The following PBX4 variants were observed in gnomAD, a reference collection of about 807,000 sequenced individuals.
PBX4 encodes the protein pre-B-cell leukemia transcription factor 4.
PBX4 carries 26 observed loss-of-function variants against 35.1 expected under a neutral mutation model. The observed-to-expected ratio is 0.74, with a 90% confidence interval of 0.54 to 1.03. The LOEUF (loss-of-function observed/expected upper bound fraction) is 1.03. Ranked by LOEUF, PBX4 falls within the 50% of genes least tolerant of loss-of-function variation. The pLI is 0.00. For synonymous variants in PBX4, 199 were observed against 204.2 expected (o/e 0.97, Z 0.22); for missense variants, 448 against 504.3 (o/e 0.89, Z 1.07).
At chr19:19,571,714 C>T (rs1568380631) in intron 2 of PBX4, among the ~76,000 whole-genome samples, 2 of 152,162 alleles carry the variant, frequency 1.3e-5, no homozygotes, top group African/African-American at 2.4e-5. Flanking sequence ...GGAGCTGCAG[C>T]TTGTGCAGGT....
chr19:19,618,570 G>A lies in PBX4; in HGVS notation c.60C>T (p.Ser20=). The A allele has an allele frequency of 7.3e-7, 1 of 1,364,966 alleles. No homozygotes were observed. Among genetic ancestry groups the A allele is most frequent in the Non-Finnish European group, 9.5e-7 (1 of 1,052,216 alleles). The allele number at this position is 1,364,966 out of a possible 1,614,324, so 84.6% of individuals were successfully genotyped here. ...TGGCCATGATCTGCTGCAGGACGTC[G>A]CTCGTGTCGAGGCGCCGCGGGGCGG... ...SPPAPRRLDT[S]DVLQQIMAIT... Residue 20 remains serine (S), a synonymous_variant, in exon 1 of 8, where the codon AGC becomes AGT. Transcript: ENST00000251203.
intron 2 of PBX4, among the ~76,000 whole-genome samples, chr19:19,583,807 C>T (rs971630415): frequency 1.3e-5 from 2 of 151,398 alleles, no homozygotes; most frequent in African/African-American, 2.4e-5. Context: ...AAAAAGCTCA[C>T]GCCTGTAAAC....
At chr19:19,591,731 C>T (rs2061529551) in intron 2 of PBX4, among the ~76,000 whole-genome samples, 1 of 152,268 alleles carries the variant, frequency 6.6e-6, no homozygotes. Context: ...CACTCATGCT[C>T]ATGTGGAGGT....
chr19:19,618,016 G>C (rs995992646), intron 1 of PBX4, among the ~76,000 whole-genome samples: 2 of 152,026 alleles, frequency 1.3e-5, no homozygotes, highest in African/African-American at 2.4e-5. Flanking sequence ...AAAATCAGCC[G>C]GGCGTGGTTG....
At chr19:19,569,634 C>T (rs369686873) in intron 4 of PBX4, 50 bp from the exon 5 acceptor site, 75 of 1,591,464 alleles carry the variant, frequency 4.7e-5, no homozygotes, top group Non-Finnish European at 6.1e-5. Flanking sequence ...GACTCCAGTA[C>T]CACCCCCACC....
chr19:19,581,845 C>A (rs141932641), intron 2 of PBX4, among the ~76,000 whole-genome samples: 3 of 152,230 alleles, frequency 2.0e-5, no homozygotes, highest in Admixed American at 2.0e-4. Flanking sequence ...GTTCCTGCCA[C>A]GATGCAAGGT....
chr19:19,601,701 T>G (rs2061598272), intron 1 of PBX4, among the ~76,000 whole-genome samples: 1 of 152,048 alleles, frequency 6.6e-6, no homozygotes, highest in Non-Finnish European at 1.5e-5. Flanking sequence ...GGAGAGATAC[T>G]ATGTTGCTGG....
intron 4 of PBX4, 61 bp downstream of exon 4, chr19:19,570,048 C>G (rs1164753494): frequency 6.6e-7 from 1 of 1,506,858 alleles, no homozygotes; most frequent in African/African-American, 1.4e-5. Flanking sequence ...CAAGCCAGCA[C>G]TATTTCCCTC....
At chr19:19,580,957 C>T (rs138528986) in intron 2 of PBX4, among the ~76,000 whole-genome samples, 2,698 of 152,174 alleles carry the variant, frequency 0.018, 84 homozygotes, top group South Asian at 0.11. Context: ...GGTCTTGAAC[C>T]CCTGGATTCA....
chr19:19,577,493 C>T (rs16996163), intron 2 of PBX4, among the ~76,000 whole-genome samples: 6,962 of 152,212 alleles, frequency 0.046, 543 homozygotes, highest in African/African-American at 0.16. Flanking sequence ...CTGTCACCCT[C>T]GGGCCCTGTG....
chr19:19,603,552 A>C (rs2061610385), intron 1 of PBX4, among the ~76,000 whole-genome samples: 2 of 152,174 alleles, frequency 1.3e-5, no homozygotes, highest in South Asian at 2.1e-4. Context: ...GCTTATAGGC[A>C]TGAGCCACGG....
intron 2 of PBX4, among the ~76,000 whole-genome samples, chr19:19,593,971 T>C (rs1197010267): frequency 1.4e-5 from 2 of 147,700 alleles, no homozygotes; most frequent in Non-Finnish European, 3.0e-5. Flanking sequence ...CCAAAAATAG[T>C]CCTCAGCGAC....
At chr19:19,564,453 T>C (rs1278545527) in intron 6 of PBX4, among the ~76,000 whole-genome samples, 2 of 152,120 alleles carry the variant, frequency 1.3e-5, no homozygotes, top group African/African-American at 4.8e-5. Context: ...TTAGTGGAGA[T>C]GGGGTTTCAC....
intron 2 of PBX4, chr19:19,588,208 A>G (rs906141758): frequency 8.8e-6 from 12 of 1,356,594 alleles, no homozygotes; most frequent in African/African-American, 1.4e-5. Flanking sequence ...CCTTACAATA[A>G]TAGGCATCAG....
chr19:19,579,226 G>A (rs1049308848), intron 2 of PBX4, among the ~76,000 whole-genome samples: 1 of 151,936 alleles, frequency 6.6e-6, no homozygotes, highest in African/African-American at 2.4e-5. Context: ...GCGTGTGCCT[G>A]TAATCTCAGC....
intron 1 of PBX4, among the ~76,000 whole-genome samples, chr19:19,616,918 G>A (rs1240906966): frequency 6.6e-5 from 10 of 151,964 alleles, no homozygotes; most frequent in Non-Finnish European, 1.2e-4. Context: ...TCCTGACCTC[G>A]TGATTCACCT....
At chr19:19,615,570 T>G (rs529993046) in intron 1 of PBX4, among the ~76,000 whole-genome samples, 8 of 152,232 alleles carry the variant, frequency 5.3e-5, no homozygotes, top group African/African-American at 1.9e-4. Flanking sequence ...AAAGGTCCGA[T>G]AAATATCGGC....
At chr19:19,572,585 C>T (rs1444076199) in intron 2 of PBX4, among the ~76,000 whole-genome samples, 1 of 152,094 alleles carries the variant, frequency 6.6e-6, no homozygotes, top group African/African-American at 2.4e-5. Context: ...CCACTTCAGG[C>T]TGGGCGCAGT....
chr19:19,602,317 A>G (rs1412152958), intron 1 of PBX4, among the ~76,000 whole-genome samples: 1 of 152,192 alleles, frequency 6.6e-6, no homozygotes, highest in Non-Finnish European at 1.5e-5. Flanking sequence ...CTCAGCGGAG[A>G]GGGAACAAGG....
Sources: allele counts gnomAD v4.1 joint callset (sites outside exome capture counted in the v4.1 genomes callset), GRCh38; gene constraint gnomAD v4.1.1; transcripts MANE v1.5; gene names NCBI Gene and HGNC (gene_info 2026-07-23, HGNC 2026-07-21).